TPM4: variants seen among roughly 807,000 people sequenced by gnomAD.
The protein encoded by TPM4 is tropomyosin 4, also known as tropomyosin alpha-4 chain.
TPM4 carries 17 observed loss-of-function variants against 35.8 expected under a neutral mutation model. The observed-to-expected ratio is 0.47, with a 90% CI of 0.32 to 0.71. The LOEUF is 0.71. Among genes scored for constraint, TPM4 ranks in the 30% least tolerant of loss-of-function variants. TPM4 has a pLI of 0.03. For synonymous variants in TPM4, 120 were observed against 122.9 expected (o/e 0.98, Z 0.15); for missense variants, 240 against 320.9 (o/e 0.75, Z 1.93).
chr19:16,097,606 C>G (rs1267098733), intron 7 of TPM4, among the ~76,000 whole-genome samples: 1 of 152,100 alleles, frequency 6.6e-6, no homozygotes, highest in Non-Finnish European at 1.5e-5. Context: ...CAAAAACATA[C>G]CAATTTGTCC....
At chr19:16,068,116 C>T (rs1339161614) in intron 2 of TPM4, among the ~76,000 whole-genome samples, 2 of 148,562 alleles carry the variant, frequency 1.3e-5, no homozygotes, top group Non-Finnish European at 3.0e-5. Context: ...TGTGTGTGTA[C>T]GTGTGTGTGT....
Position 16,077,928 on chromosome 19 carries a change from A to ATT in TPM4, c.132+1243_132+1244dup, listed in dbSNP as rs535439378. 2,765 of 293,678 alleles carry ATT rather than the reference A, an allele frequency of 9.4e-3. 82 individuals carry two copies. The highest frequency in any genetic ancestry group is 0.058 in the African/African-American group (2,545 of 44,212). The allele number at this position is 293,678 out of a possible 1,614,324, so 18.2% of individuals were successfully genotyped here. A position where few individuals can be genotyped will look rare whatever the true frequency, so the allele number is the denominator to read the frequency against. On this transcript the variant is annotated intron_variant, in intron 1 of 7. Coordinates refer to ENST00000643579, the MANE Select transcript of TPM4 (RefSeq NM_003290.3). ...AGGTGCCCGCCACCACGCCCAGCTA[A>ATT]TTTTTTTTTTTTTATTTTGGATTTT...
At chr19:16,088,137 C>T in intron 4 of TPM4, 40 bp downstream of exon 4, 4 of 1,589,422 alleles carry the variant, frequency 2.5e-6, no homozygotes, top group Non-Finnish European at 3.4e-6. Flanking sequence ...TGGCTCGATT[C>T]CTGGGGCGGA....
chr19:16,100,098 A>G (rs2090747797), intron 7 of TPM4: 1 of 152,208 alleles, frequency 6.6e-6, no homozygotes, highest in African/African-American at 2.4e-5. Flanking sequence ...GCAGCACGTC[A>G]TAGGTTCTGA....
At chr19:16,094,575 T>C (rs1333026529) in intron 7 of TPM4, among the ~76,000 whole-genome samples, 3 of 151,998 alleles carry the variant, frequency 2.0e-5, no homozygotes, top group Non-Finnish European at 4.4e-5. Flanking sequence ...TGTTTGCTCA[T>C]TTCTGATAGA....
At position 16,076,539 on chromosome 19, in the gene TPM4, G is replaced by C; in HGVS notation, c.-27G>C. On this transcript the variant is annotated 5_prime_UTR_variant, in exon 1 of 8. Coordinates refer to ENST00000643579, the MANE Select transcript of TPM4 (RefSeq NM_003290.3). ...CGAGCCCAGCCGAGCGTCCGCCGCT[G>C]CCCGTGCGCCTCTGCGCCTCCGCGC... 1 of 1,431,974 alleles carries C rather than the reference G, an allele frequency of 7.0e-7. No individual in the cohort carries two copies. The highest frequency in any genetic ancestry group is 9.1e-7 in the Non-Finnish European group (1 of 1,096,158). 88.7% of individuals were successfully genotyped at this position (1,431,974 alleles called of 1,614,324 possible). A position where few individuals can be genotyped will look rare whatever the true frequency, so the allele number is the denominator to read the frequency against.
rs1034822573 is a variant in TPM4 at position 16,070,724 on chromosome 19, C to T, written c.114+2986C>T. 6.6e-5 allele frequency among the ~76,000 whole-genome samples: 10 copies of T among 152,110 alleles called. No homozygotes were observed. The highest frequency in any genetic ancestry group is 1.3e-4 in the Non-Finnish European group (9 of 68,008). ...ATAAATGTAGGTTGATTTCCTGCCC[C>T]GCCCTACTTCCCCTTTGGGCCTCCC... On this transcript the variant is annotated intron_variant, in intron 2 of 2. Coordinates refer to the TPM4 transcript ENST00000589897. The surrounding 1 kb of genome is among the most constrained non-coding windows in gnomAD (Gnocchi z 7.4).
upstream of TPM4, among the ~76,000 whole-genome samples, chr19:16,073,963 C>CAAAAAAGAA (rs2090379628): frequency 4.2e-5 from 3 of 71,880 alleles, no homozygotes; most frequent in Non-Finnish European, 7.4e-5. Context: ...AAAAAAAACG[C>CAAAAAAGAA]AAAAAAAAAA....
At chr19:16,073,517 C>CG (rs1488765802), upstream of TPM4, among the ~76,000 whole-genome samples, 1 of 152,138 alleles carries the variant, frequency 6.6e-6, no homozygotes, top group African/African-American at 2.4e-5. Context: ...GGACGGGGGT[C>CG]GCAGAGCTTG....
At chr19:16,097,275 T>C (rs989233181) in intron 7 of TPM4, among the ~76,000 whole-genome samples, 37 of 150,480 alleles carry the variant, frequency 2.5e-4, no homozygotes, top group African/African-American at 9.0e-4. Flanking sequence ...TTGCTTTTTT[T>C]TTTCTTCTTT....
intron 7 of TPM4, 73 bp from the exon 8 acceptor site, chr19:16,101,191 A>G: frequency 7.7e-7 from 1 of 1,297,770 alleles, no homozygotes; most frequent in Middle Eastern, 1.9e-4. Flanking sequence ...AAAAAAAACA[A>G]ATCTTTTTTT....
At chr19:16,088,994 T>C (rs2090592725) in intron 4 of TPM4, 51 bp from the exon 5 acceptor site, 10 of 1,611,752 alleles carry the variant, frequency 6.2e-6, no homozygotes, top group Non-Finnish European at 8.5e-6. Context: ...ATTGCTATTA[T>C]TGCCGGCTGT....
chr19:16,082,251 G>A (rs766815695), intron 2 of TPM4, among the ~76,000 whole-genome samples: 7 of 152,236 alleles, frequency 4.6e-5, no homozygotes, highest in Non-Finnish European at 8.8e-5. Context: ...GCTCATGCCT[G>A]TAATCCCAGC....
At chr19:16,091,819 T>C (rs2090630094) in intron 5 of TPM4, among the ~76,000 whole-genome samples, 1 of 152,172 alleles carries the variant, frequency 6.6e-6, no homozygotes, top group South Asian at 2.1e-4. Flanking sequence ...TTCACCTTTC[T>C]GTGACCCTTT....
upstream of TPM4, chr19:16,075,220 G>A (rs11086022): frequency 0.32 from 48,594 of 152,022 alleles, 8,381 homozygotes; most frequent in East Asian, 0.49. Flanking sequence ...GGTGTGGTGG[G>A]GGGTGACAAA....
At chr19:16,089,785 C>G (rs1202449347) in intron 5 of TPM4, among the ~76,000 whole-genome samples, 1 of 151,660 alleles carries the variant, frequency 6.6e-6, no homozygotes, top group African/African-American at 2.4e-5. Flanking sequence ...CCTCCCACCT[C>G]AGCCACCACC....
intron 7 of TPM4, chr19:16,095,157 CG>C (rs2144958289): frequency 3.2e-6 from 2 of 631,048 alleles, no homozygotes; most frequent in Non-Finnish European, 4.0e-6. Flanking sequence ...TGTTTGCTCA[CG>C]TGTTTTTTTC....
intron 1 of TPM4, 155 bp downstream of exon 1, chr19:16,076,852 C>A (rs1295276496): frequency 2.4e-6 from 3 of 1,245,376 alleles, no homozygotes; most frequent in Non-Finnish European, 3.0e-6. Context: ...CCTGCGCCCG[C>A]AGCCAGGACC....
Position 16,102,326 on chromosome 19 carries a change from G to C in TPM4, c.*980G>C, listed in dbSNP as rs902140956. On this transcript the variant is annotated 3_prime_UTR_variant, in exon 8 of 8. Coordinates refer to ENST00000643579, the MANE Select transcript of TPM4 (RefSeq NM_003290.3). The stretch of plus-strand genomic sequence containing the variant: ...AGCGCTCCAGCCTGGTCGACAGAGT[G>C]AGACTCCATCTCAAGAAAAAATAAA... The C allele has an allele frequency of 5.5e-5, 11 of 199,492 alleles. No individual in the cohort carries two copies. The highest frequency in any genetic ancestry group is 2.5e-4 in the African/African-American group (11 of 43,392). 12.4% of individuals were successfully genotyped at this position (199,492 alleles called of 1,614,324 possible). A position where few individuals can be genotyped will look rare whatever the true frequency, so the allele number is the denominator to read the frequency against.
Sources: gnomAD v4.1 joint callset for allele counts (sites outside exome capture counted in the v4.1 genomes callset) on GRCh38, gnomAD v4.1.1 for gene constraint, Gnocchi (gnomAD v3.1) non-coding constraint, MANE v1.5 for transcripts, NCBI Gene and HGNC (gene_info 2026-07-23, HGNC 2026-07-21) for gene names.